The following TAS2R1 variants were observed in gnomAD, a reference collection of about 807,000 sequenced individuals.
TAS2R1 encodes taste receptor type 2 member 1.
For synonymous variants in TAS2R1, 141 were observed against 134.2 expected, an observed-to-expected ratio of 1.05 and a Z score of -0.35; for missense variants, 370 against 353.4, an observed-to-expected ratio of 1.05 and a Z score of -0.38.
the TAS2R1 span, among the ~76,000 whole-genome samples, chr5:9,766,786 C>A: frequency 6.6e-6 from 1 of 152,204 alleles, no homozygotes; most frequent in African/African-American, 2.4e-5. Context: ...AGCCTCTGAA[C>A]TACATGACTG....
At chr5:9,792,453 A>G in the TAS2R1 span, among the ~76,000 whole-genome samples, 1,219 of 152,310 alleles carry the variant, frequency 8.0e-3, 10 homozygotes, top group African/African-American at 0.028. Flanking sequence ...TATAACTTTG[A>G]AATGTCTGAC....
chr5:9,794,153 T>C, the TAS2R1 span, among the ~76,000 whole-genome samples: 3 of 152,240 alleles, frequency 2.0e-5, no homozygotes, highest in Admixed American at 2.0e-4. Context: ...ATCTCTGTTA[T>C]TCCAGCATAT....
the TAS2R1 span, among the ~76,000 whole-genome samples, chr5:9,730,277 A>G: frequency 6.6e-6 from 1 of 152,230 alleles, no homozygotes; most frequent in South Asian, 2.1e-4. Flanking sequence ...CAGTTTCTCC[A>G]CCATTGACAT....
At chr5:9,866,185 T>G in the TAS2R1 span, among the ~76,000 whole-genome samples, 1 of 152,356 alleles carries the variant, frequency 6.6e-6, no homozygotes, top group South Asian at 2.1e-4. Flanking sequence ...GCCCATTGAT[T>G]GAAATCTCAA....
the TAS2R1 span, among the ~76,000 whole-genome samples, chr5:9,863,302 C>T: frequency 7.1e-6 from 1 of 141,198 alleles, no homozygotes; most frequent in African/African-American, 2.7e-5. Context: ...GAGTCTCGCT[C>T]TATCGCCCAG....
chr5:9,738,692 C>G, the TAS2R1 span, among the ~76,000 whole-genome samples: 1 of 152,144 alleles, frequency 6.6e-6, no homozygotes, highest in Non-Finnish European at 1.5e-5. Flanking sequence ...ACCACACTAT[C>G]TTTTGTTATA....
chr5:9,745,696 G>C, the TAS2R1 span, among the ~76,000 whole-genome samples: 1 of 152,128 alleles, frequency 6.6e-6, no homozygotes, highest in Non-Finnish European at 1.5e-5. Context: ...AAATGGTGCT[G>C]GGAAAACTGG....
chr5:9,853,872 T>C, the TAS2R1 span, among the ~76,000 whole-genome samples: 3 of 152,172 alleles, frequency 2.0e-5, no homozygotes, highest in African/African-American at 7.2e-5. Flanking sequence ...TGAGAAGTGC[T>C]GCACTTCTAA....
the TAS2R1 span, among the ~76,000 whole-genome samples, chr5:9,737,490 C>T: frequency 9.2e-5 from 14 of 152,290 alleles, no homozygotes; most frequent in Non-Finnish European, 1.8e-4. Context: ...CAGCATTTTG[C>T]GGGTTTTTGA....
chr5:9,876,891 C>A, the TAS2R1 span, among the ~76,000 whole-genome samples: 23 of 152,286 alleles, frequency 1.5e-4, no homozygotes, highest in African/African-American at 5.5e-4. Context: ...GCTGAGCACT[C>A]ACGTGTTCGA....
chr5:9,824,904 G>A, the TAS2R1 span, among the ~76,000 whole-genome samples: 1 of 150,362 alleles, frequency 6.7e-6, no homozygotes, highest in Non-Finnish European at 1.5e-5. Context: ...GGAGACACAA[G>A]GTATCTATCC....
the TAS2R1 span, among the ~76,000 whole-genome samples, chr5:9,748,205 G>T: frequency 6.6e-6 from 1 of 152,090 alleles, no homozygotes; most frequent in South Asian, 2.1e-4. Context: ...ATTTTCATGT[G>T]GTACCATCTC....
At chr5:9,776,766 C>G in the TAS2R1 span, among the ~76,000 whole-genome samples, 2 of 152,176 alleles carry the variant, frequency 1.3e-5, no homozygotes, top group Non-Finnish European at 2.9e-5. Context: ...TTCCTTCTTA[C>G]AGTCGTCTAT....
At chr5:9,896,260 C>T in the TAS2R1 span, among the ~76,000 whole-genome samples, 1 of 152,108 alleles carries the variant, frequency 6.6e-6, no homozygotes, top group African/African-American at 2.4e-5. Context: ...TCTCTCGTGT[C>T]TTTTGCTAAT....
the TAS2R1 span, among the ~76,000 whole-genome samples, chr5:9,742,558 A>G: frequency 6.6e-6 from 1 of 152,204 alleles, no homozygotes; most frequent in Non-Finnish European, 1.5e-5. Context: ...ACTCTACCTT[A>G]CTATCATTTC....
intron 1 of TAS2R1, among the ~76,000 whole-genome samples, chr5:9,664,561 G>T (rs1740595238): frequency 6.6e-6 from 1 of 152,194 alleles, no homozygotes. Flanking sequence ...GCCTCTAGAA[G>T]ATGCCACAGT....
the TAS2R1 span, among the ~76,000 whole-genome samples, chr5:9,803,362 T>C: frequency 6.6e-6 from 1 of 152,220 alleles, no homozygotes; most frequent in Non-Finnish European, 1.5e-5. Flanking sequence ...GCTAGAGATC[T>C]AGACTTCCAA....
the TAS2R1 span, among the ~76,000 whole-genome samples, chr5:9,805,772 A>G: frequency 2.7e-4 from 41 of 152,190 alleles, no homozygotes; most frequent in African/African-American, 9.6e-4. Flanking sequence ...CATCTATGAC[A>G]AACCCACAGC....
chr5:9,629,751 C>A lies in TAS2R1; in HGVS notation c.282G>T (p.Trp94Cys). ...AGAAAACGCCGAGCCATGTGGCAAGCCAAAGTTCCAATTCATTTATAAATA... is the reference window on the plus strand; with the variant it reads ...AGAAAACGCCGAGCCATGTGGCAAGACAAAGTTCCAATTCATTTATAAATA... ...ILLFINELEL[W>C]LATWLGVFYC... Residue 94 changes from tryptophan to cysteine, a missense_variant, in exon 1 of 1, where the codon TGG becomes TGT. Trp to Cys is a radical substitution (Grantham distance 215). Coordinates refer to ENST00000382492, the MANE Select transcript of TAS2R1 (RefSeq NM_019599.3). The A allele has an allele frequency of 3.7e-6, 6 of 1,613,812 alleles. No homozygotes were observed. Among genetic ancestry groups the A allele is most frequent in the Non-Finnish European group, 4.2e-6 (5 of 1,179,896 alleles).
Sources: gnomAD v4.1 joint callset for allele counts (sites outside exome capture counted in the v4.1 genomes callset) on GRCh38, gnomAD v4.1.1 for gene constraint, MANE v1.5 for transcripts, NCBI Gene and HGNC (gene_info 2026-07-23, HGNC 2026-07-21) for gene names.